ABCC6: variants seen among roughly 807,000 people sequenced by gnomAD.
The protein encoded by ABCC6 is ATP-binding cassette sub-family C member 6.
A neutral mutation model predicts 169.5 loss-of-function variants in ABCC6; 126 were observed. The ratio of observed to expected loss-of-function variants is 0.74; its 90% CI spans 0.64 to 0.86. The LOEUF is 0.86. ABCC6 is among the 40% of genes least tolerant of loss of function. The probability of loss-of-function intolerance (pLI) is 0.00; values close to 1 mark genes in which losing one functional copy is unlikely to be tolerated. For synonymous variants in ABCC6, 752 were observed against 814.7 expected (o/e 0.92, Z 1.31); for missense variants, 1,733 against 1,927.2 (o/e 0.90, Z 1.89).
chr16:16,207,113 G>T (rs1255878198), intron 7 of ABCC6, among the ~76,000 whole-genome samples: 2 of 152,190 alleles, frequency 1.3e-5, no homozygotes, highest in Admixed American at 1.3e-4. Flanking sequence ...ACCCAGTGAA[G>T]GGGGTCCAGC....
intron 27 of ABCC6, 197 bp from the exon 28 acceptor site, chr16:16,155,228 CTCTA>C (rs1166956710): frequency 6.1e-6 from 4 of 655,304 alleles, no homozygotes; most frequent in Non-Finnish European, 7.8e-6. Context: ...CTGTGTTCTT[CTCTA>C]TCTTTCCCTT....
chr16:16,175,031 A>C (rs973732493), intron 20 of ABCC6, among the ~76,000 whole-genome samples: 3 of 151,724 alleles, frequency 2.0e-5, no homozygotes, highest in Non-Finnish European at 4.4e-5. Context: ...CACCCGCTTC[A>C]GTTTCCCAAA....
intron 10 of ABCC6, among the ~76,000 whole-genome samples, chr16:16,193,179 T>C (rs888688824): frequency 6.6e-6 from 1 of 152,120 alleles, no homozygotes; most frequent in East Asian, 1.9e-4. Flanking sequence ...AAAACCAAGA[T>C]GGCTACGAGA....
rs1330357552 is a variant in ABCC6 at position 16,165,802 on chromosome 16, G to A, written c.3127C>T (p.His1043Tyr). 6.2e-7 allele frequency: 1 copy of A among 1,613,700 alleles called. No homozygotes were observed. Among genetic ancestry groups the A allele is most frequent in the Non-Finnish European group, 8.5e-7 (1 of 1,180,042 alleles). Residue 1043 changes from histidine to tyrosine, a missense_variant, in exon 23 of 31, where the codon CAC (histidine) becomes TAC (tyrosine). Around this residue, in one of 5 missense-constraint regions of ABCC6, gnomAD observed 1,601 missense variants for 1,635.5 expected, o/e 0.98. Transcript: ENST00000205557. Reference sequence around the variant, plus strand: ...TCCTTGGAGAAGCGGTTTAGCAGGTGACCAATGGGTGTCCGCTCAAAGAAG... The same window carrying A: ...TCCTTGGAGAAGCGGTTTAGCAGGTAACCAATGGGTGTCCGCTCAAAGAAG... ...ISFFERTPIG[H>Y]LLNRFSKETD...
intron 10 of ABCC6, among the ~76,000 whole-genome samples, chr16:16,196,034 A>G (rs1024597876): frequency 6.6e-6 from 1 of 152,034 alleles, no homozygotes; most frequent in Non-Finnish European, 1.5e-5. Flanking sequence ...ACATGGTGAA[A>G]CCCAGTTTCT....
At chr16:16,159,613 T>C (rs1291485260) in intron 25 of ABCC6, 30 bp from the exon 26 acceptor site, 1 of 1,608,882 alleles carries the variant, frequency 6.2e-7, no homozygotes, top group Non-Finnish European at 8.5e-7. Context: ...CTGGCTGGGT[T>C]TGGCAAGGCC....
intron 10 of ABCC6, 72 bp from the exon 11 acceptor site, chr16:16,192,994 A>G (rs1448726215): frequency 7.7e-7 from 1 of 1,305,892 alleles, no homozygotes; most frequent in African/African-American, 1.5e-5. Context: ...GAACCAGAGC[A>G]ACTCCATCTT....
intron 4 of ABCC6, among the ~76,000 whole-genome samples, chr16:16,216,201 T>C (rs1050046648): frequency 6.6e-6 from 1 of 152,212 alleles, no homozygotes; most frequent in Non-Finnish European, 1.5e-5. Context: ...GAATTACAGG[T>C]GTGAGCCACT....
intron 4 of ABCC6, among the ~76,000 whole-genome samples, chr16:16,219,253 G>A (rs145884854): frequency 0.047 from 6,985 of 149,212 alleles, 220 homozygotes; most frequent in Non-Finnish European, 0.074. Flanking sequence ...TTGTGTGTGT[G>A]TGCGTGCATG....
At chr16:16,155,497 T>C (rs1196044697) in intron 27 of ABCC6, 1 of 181,990 alleles carries the variant, frequency 5.5e-6, no homozygotes, top group African/African-American at 2.4e-5. Flanking sequence ...TTCATCTGTC[T>C]ATCCGTCTCT....
At position 16,188,860 on chromosome 16, in the gene ABCC6, G is replaced by T. The variant is rs747904631; in HGVS notation, c.1750C>A (p.Leu584Met). ...LNILNKAQAF[L>M]PFSIHSLVQA... is the part of the protein sequence containing the mutation. ...ACGAGGGAGTGGATGGAGAAGGGCAGGAAAGCCTGGGCCTTGTTGAGGATG... is the reference window on the plus strand; with the variant it reads ...ACGAGGGAGTGGATGGAGAAGGGCATGAAAGCCTGGGCCTTGTTGAGGATG... Residue 584 changes from leucine (L) to methionine (M), a missense_variant, in exon 13 of 31, where the codon CTG (leucine) becomes ATG (methionine). Transcript: ENST00000205557. 1.2e-6 allele frequency: 2 copies of T among 1,614,088 alleles called. No individual in the cohort carries two copies. The highest frequency in any genetic ancestry group is 2.2e-5 in the South Asian group (2 of 91,072).
chr16:16,214,763 C>T (rs894499487), intron 4 of ABCC6, among the ~76,000 whole-genome samples: 2 of 152,120 alleles, frequency 1.3e-5, no homozygotes, highest in Non-Finnish European at 2.9e-5. Flanking sequence ...CACCACCATG[C>T]CTGGCTAACT....
At position 16,154,994 on chromosome 16, in the gene ABCC6, G is replaced by A. The variant is rs1430244169; in HGVS notation, c.3920C>T (p.Ser1307Phe). The change falls in exon 28 of 31, where the codon TCC becomes TTC. Residue 1307 changes from serine to phenylalanine, a missense_variant. Transcript: ENST00000205557. ...GAGCCGCAGCAGCCCACTGGCCAGG[G>A]AGGACTTCCCTGCCCCGGTCCTGCC... ...IVGRTGAGKS[S>F]LASGLLRLQE... 1.3e-6 allele frequency: 2 copies of A among 1,568,726 alleles called. No individual in the cohort carries two copies. Among genetic ancestry groups the A allele is most frequent in the Admixed American group, 1.9e-5 (1 of 53,354 alleles).
Position 16,157,723 on chromosome 16 carries a change from G to A in ABCC6, c.3822C>T (p.Tyr1274=), listed in dbSNP as rs769820268. 3.2e-5 allele frequency: 51 copies of A among 1,613,908 alleles called. No individual in the cohort carries two copies. In the Middle Eastern group the frequency reaches 6.6e-4, roughly 21 times the overall value. Residue 1274 remains tyrosine, a synonymous_variant, in exon 27 of 31, where the codon TAC becomes TAT. Coordinates refer to ENST00000205557, the MANE Select transcript of ABCC6 (RefSeq NM_001171.6). ...QIEFRDFGLR[Y]RPELPLAVQG... ...GCACAGCCAGCGGGAGCTCAGGTCG[G>A]TATCTTAGCCCAAAGTCCCGGAACT...
Position 16,182,754 on chromosome 16 carries a change from G to C in ABCC6, c.2070+50C>G, listed in dbSNP as rs554820126. On this transcript the variant is annotated intron_variant, in intron 16 of 30. Transcript: ENST00000205557. ...AGGGTGGGAAGGCAGCGAGGAAGTGGGACTTTCAGGATGGGGACATCCTAG... is the reference window on the plus strand; with the variant it reads ...AGGGTGGGAAGGCAGCGAGGAAGTGCGACTTTCAGGATGGGGACATCCTAG... The C allele has an allele frequency of 1.5e-5, 24 of 1,612,058 alleles. No homozygotes were observed. The South Asian group carries it at 2.1e-4, about 14-fold the overall frequency.
chr16:16,172,047 A>AGTGG (rs1555510984), intron 21 of ABCC6, among the ~76,000 whole-genome samples: 3 of 68,624 alleles, frequency 4.4e-5, no homozygotes, highest in Non-Finnish European at 8.3e-5. Flanking sequence ...TGCATAAATG[A>AGTGG]GTGGGATGGA....
At chr16:16,197,916 T>C in intron 10 of ABCC6, 105 bp downstream of exon 10, 1 of 1,344,758 alleles carries the variant, frequency 7.4e-7, no homozygotes, top group Non-Finnish European at 1.0e-6. Context: ...TTCCAGCCTC[T>C]TGAATGCTAA....
intron 18 of ABCC6, 95 bp from the exon 19 acceptor site, chr16:16,177,721 T>C: frequency 6.7e-7 from 1 of 1,485,400 alleles, no homozygotes; most frequent in South Asian, 1.2e-5. Flanking sequence ...AGCATGTGGA[T>C]CACTTGAGGC....
chr16:16,157,214 C>G (rs775258079), intron 27 of ABCC6, among the ~76,000 whole-genome samples: 2 of 152,076 alleles, frequency 1.3e-5, no homozygotes, highest in Non-Finnish European at 2.9e-5. Flanking sequence ...TAAGCATGTT[C>G]TATGTATTAA....
Sources: gnomAD v4.1 joint callset for allele counts (sites outside exome capture counted in the v4.1 genomes callset) on GRCh38, gnomAD v4.1.1 for gene constraint, gnomAD v4.1.1 regional missense constraint, MANE v1.5 for transcripts, NCBI Gene and HGNC (gene_info 2026-07-23, HGNC 2026-07-21) for gene names.